The following BRAF variants were observed in gnomAD, a reference collection of about 807,000 sequenced individuals.
The protein encoded by BRAF is B-Raf proto-oncogene, serine/threonine kinase.
BRAF carries 16 observed loss-of-function variants against 104.6 expected under a neutral mutation model. That is an observed-to-expected ratio of 0.15 (90% CI 0.10 to 0.23). BRAF has a LOEUF of 0.23. Ranked by LOEUF, BRAF falls within the 10% of genes least tolerant of loss-of-function variation. BRAF has a pLI of 1.00. For missense variants in BRAF, 541 were observed against 937.3 expected, an observed-to-expected ratio of 0.58 and a Z score of 5.52; for synonymous variants, 310 against 341.6, an observed-to-expected ratio of 0.91 and a Z score of 1.02.
At position 140,867,905 on chromosome 7, in the gene BRAF, T is replaced by C. The variant is rs545494223; in HGVS notation, c.139-17693A>G. Among the ~76,000 whole-genome samples, 18 of 152,324 alleles carry C rather than the reference T, an allele frequency of 1.2e-4. No individual in the cohort carries two copies. The South Asian group carries it at 1.7e-3, about 14-fold the overall frequency. ...GGCTTCTCCTTGCTCTTGTGATACC[T>C]TGTAATGTAGTATTAGCAAACATGA... On this transcript the variant is annotated intron_variant, in intron 1 of 19. Coordinates refer to ENST00000644969, the MANE Select transcript of BRAF (RefSeq NM_001374258.1).
At position 140,892,373 on chromosome 7, in the gene BRAF, G is replaced by T. The variant is rs539429179; in HGVS notation, c.138+32193C>A. Among the ~76,000 whole-genome samples, 59 of 152,312 alleles carry T rather than the reference G, an allele frequency of 3.9e-4. 1 individual carries two copies. The highest frequency in any genetic ancestry group is 7.2e-4 in the Admixed American group (11 of 15,296). On this transcript the variant is annotated intron_variant, in intron 1 of 19. Transcript: ENST00000644969. ...GGGGAGCTATATAATATAGTACAGG[G>T]TATCACCTGCTTGCCAAATCAATTC...
chr7:140,819,031 C>T (rs528955839), intron 3 of BRAF, among the ~76,000 whole-genome samples: 1 of 152,158 alleles, frequency 6.6e-6, no homozygotes, highest in Non-Finnish European at 1.5e-5. Flanking sequence ...TTGTTATCTC[C>T]ACTTCTTTCT....
chr7:140,903,975 G>A (rs917063961), intron 1 of BRAF, among the ~76,000 whole-genome samples: 1 of 152,194 alleles, frequency 6.6e-6, no homozygotes, highest in Non-Finnish European at 1.5e-5. Flanking sequence ...AAAAAAAGTG[G>A]TTTCTTGACA....
Position 140,719,411 on chromosome 7 carries a change from T to C in BRAF, c.*7083A>G, listed in dbSNP as rs1795216705. 9.9e-7 allele frequency: 1 copy of C among 1,005,978 alleles called. No homozygotes were observed. The highest frequency in any genetic ancestry group is 1.2e-6 in the Non-Finnish European group (1 of 834,900). 62.3% of individuals were successfully genotyped at this position (1,005,978 alleles called of 1,614,324 possible). ...TACATAGAACTTTTTTTGCCTTTTA[T>C]ATAATACAGTTTTTAAATAACTTTA... On this transcript the variant is annotated 3_prime_UTR_variant, in exon 20 of 20. Coordinates refer to ENST00000644969, the MANE Select transcript of BRAF (RefSeq NM_001374258.1).
Position 140,722,495 on chromosome 7 carries a change from C to CTCA in BRAF, c.*3996_*3998dup. The CTCA allele has an allele frequency of 9.5e-7, 1 of 1,056,330 alleles. No homozygotes were observed. The highest frequency in any genetic ancestry group is 1.1e-6 in the Non-Finnish European group (1 of 873,620). 65.4% of individuals were successfully genotyped at this position (1,056,330 alleles called of 1,614,324 possible). On this transcript the variant is annotated 3_prime_UTR_variant, in exon 20 of 20. Transcript: ENST00000644969. ...TAGAGCCTCACCTACACCATTTCAA[C>CTCA]TCATGACCTGTAAGCTATTTGCTGT...
At chr7:140,872,518 A>G (rs189365495) in intron 1 of BRAF, among the ~76,000 whole-genome samples, 1 of 152,160 alleles carries the variant, frequency 6.6e-6, no homozygotes, top group Non-Finnish European at 1.5e-5. Flanking sequence ...TTGAGCCAAA[A>G]GGCAAATAAG....
At chr7:140,818,872 A>G (rs1805171629) in intron 3 of BRAF, among the ~76,000 whole-genome samples, 1 of 152,214 alleles carries the variant, frequency 6.6e-6, no homozygotes, top group South Asian at 2.1e-4. Flanking sequence ...TCTACCTTAT[A>G]CTGAAGACAG....
chr7:140,810,998 G>A (rs1804201090), intron 3 of BRAF, among the ~76,000 whole-genome samples: 1 of 152,126 alleles, frequency 6.6e-6, no homozygotes, highest in Admixed American at 6.5e-5. Flanking sequence ...TGCTGTTTAG[G>A]GCTGGTAAGC....
At chr7:140,895,512 C>G (rs1040160538) in intron 1 of BRAF, among the ~76,000 whole-genome samples, 1 of 152,290 alleles carries the variant, frequency 6.6e-6, no homozygotes, top group South Asian at 2.1e-4. Flanking sequence ...CTACAGAACA[C>G]TAGAACTTAT....
intron 5 of BRAF, among the ~76,000 whole-genome samples, chr7:140,807,107 A>C (rs2129047447): frequency 6.6e-6 from 1 of 152,282 alleles, no homozygotes; most frequent in Non-Finnish European, 1.5e-5. Context: ...CTCATCTCTA[A>C]GGTGGAAAGG....
chr7:140,804,559 G>A (rs889111240), intron 5 of BRAF, among the ~76,000 whole-genome samples: 3 of 151,812 alleles, frequency 2.0e-5, no homozygotes, highest in South Asian at 2.1e-4. Flanking sequence ...TCCTGACCTC[G>A]TGAGCTGCCC....
chr7:140,721,519 C>A lies in BRAF; in HGVS notation c.*4975G>T. ...CTTACTGTCTAGTGTACTAATAAAA[C>A]AAACATCTTACCAGTATTTTTAATT... On this transcript the variant is annotated 3_prime_UTR_variant, in exon 20 of 20. Transcript: ENST00000644969. The A allele has an allele frequency of 4.3e-6, 6 of 1,404,364 alleles. No individual in the cohort carries two copies. Among genetic ancestry groups the A allele is most frequent in the Admixed American group, 3.0e-5 (1 of 33,426 alleles). 87.0% of individuals were successfully genotyped at this position (1,404,364 alleles called of 1,614,324 possible).
At chr7:140,767,691 G>A (rs1473627993) in intron 14 of BRAF, among the ~76,000 whole-genome samples, 2 of 152,146 alleles carry the variant, frequency 1.3e-5, no homozygotes, top group African/African-American at 2.4e-5. Flanking sequence ...TGAAGTTTTC[G>A]AAGGGACTGA....
At chr7:140,756,515 C>T (rs1252154838) in intron 14 of BRAF, among the ~76,000 whole-genome samples, 2 of 151,742 alleles carry the variant, frequency 1.3e-5, no homozygotes, top group African/African-American at 4.8e-5. Context: ...ATTTCCTAAG[C>T]ACCACCCAGT....
chr7:140,833,002 T>C (rs1315573843), intron 3 of BRAF, among the ~76,000 whole-genome samples: 1 of 151,856 alleles, frequency 6.6e-6, no homozygotes, highest in Non-Finnish European at 1.5e-5. Flanking sequence ...GCCTCCAAAT[T>C]AGCTGGGACT....
intron 16 of BRAF, among the ~76,000 whole-genome samples, chr7:140,751,104 C>T (rs565656591): frequency 1.2e-4 from 19 of 152,220 alleles, no homozygotes; most frequent in African/African-American, 4.3e-4. Flanking sequence ...GTACTGTTGG[C>T]TATTATTCTC....
Position 140,739,956 on chromosome 7 carries a change from G to GA in BRAF, c.2113-11dup, listed in dbSNP as rs759069424. On this transcript the variant is annotated splice_polypyrimidine_tract_variant and intron_variant, in intron 17 of 19. Transcript: ENST00000644969. ...CCACCATAAAAATTATCTGGAGAGAGAAAAAAAAGGGAAATAATTCAACCT... is the reference window on the plus strand; with the variant it reads ...CCACCATAAAAATTATCTGGAGAGAGAAAAAAAAAGGGAAATAATTCAACCT... 192 of 1,605,482 alleles carry GA rather than the reference G, an allele frequency of 1.2e-4. No individual in the cohort carries two copies. The highest frequency in any genetic ancestry group is 6.6e-4 in the Middle Eastern group (4 of 6,022).
chr7:140,806,890 C>T (rs1021329565), intron 5 of BRAF, among the ~76,000 whole-genome samples: 1 of 152,174 alleles, frequency 6.6e-6, no homozygotes, highest in Non-Finnish European at 1.5e-5. Context: ...AATCAATCAT[C>T]TGCTTTAAGA....
intron 1 of BRAF, among the ~76,000 whole-genome samples, chr7:140,895,887 G>A (rs546533235): frequency 6.6e-6 from 1 of 152,176 alleles, no homozygotes; most frequent in Admixed American, 6.5e-5. Flanking sequence ...TAAACATGGG[G>A]ATGCAAATGT....
Sources: gnomAD v4.1 joint callset for allele counts (sites outside exome capture counted in the v4.1 genomes callset) on GRCh38, gnomAD v4.1.1 for gene constraint, MANE v1.5 for transcripts, NCBI Gene and HGNC (gene_info 2026-07-23, HGNC 2026-07-21) for gene names.